TDRD3: variants seen among roughly 807,000 people sequenced by gnomAD.
TDRD3 encodes tudor domain containing 3.
Under a neutral mutation model 86.7 loss-of-function variants are expected in TDRD3, and 45 were observed. That is an observed-to-expected ratio of 0.52 (90% CI 0.41 to 0.67). TDRD3 has a LOEUF of 0.67. TDRD3 is among the 30% of genes least tolerant of loss of function. The pLI, the probability that TDRD3 is intolerant of heterozygous loss-of-function variation, is 0.00. For missense variants in TDRD3, 814 were observed against 889.0 expected, an observed-to-expected ratio of 0.92 and a Z score of 1.07; for synonymous variants, 298 against 301.7, an observed-to-expected ratio of 0.99 and a Z score of 0.13.
rs1957038427 is a variant in TDRD3 at position 60,510,712 on chromosome 13, A to G, written c.1098A>G (p.Leu366=). The change falls in exon 10 of 14, where the codon TTA becomes TTG. Residue 366 remains leucine, a synonymous_variant. Transcript: ENST00000377881. ...GNARPSAPST[L]FDFLESKMGT... is the part of the protein sequence containing the mutation. ...CAAGGCCATCAGCACCAAGCACATT[A>G]TTTGATTTCTTGGAATCTAAAATGG... 1.3e-6 allele frequency: 2 copies of G among 1,594,282 alleles called. No homozygotes were observed. Among genetic ancestry groups the G allele is most frequent in the Non-Finnish European group, 1.7e-6 (2 of 1,170,932 alleles).
At chr13:60,541,877 G>A (rs1253641917) in intron 12 of TDRD3, among the ~76,000 whole-genome samples, 1 of 151,620 alleles carries the variant, frequency 6.6e-6, no homozygotes, top group East Asian at 1.9e-4. Context: ...ACAGGCATGG[G>A]CCACCATGCC....
intron 10 of TDRD3, among the ~76,000 whole-genome samples, chr13:60,525,103 A>C (rs1258660693): frequency 6.7e-6 from 1 of 149,364 alleles, no homozygotes; most frequent in African/African-American, 2.4e-5. Flanking sequence ...AAAAAAAAAA[A>C]AAAAAACCCC....
rs150024075 is a variant in TDRD3, at chr13:60,473,016, A to G, written c.495+5637A>G. Among the ~76,000 whole-genome samples the G allele has an allele frequency of 3.1e-3, 468 of 152,148 alleles. 2 individuals carry two copies. The highest frequency in any genetic ancestry group is 0.011 in the African/African-American group (444 of 41,504). ...TGCTTTTTGTTTCCTGTTTTACTCC[A>G]TTTTCTGCTGCTATAACAGAATACC... On this transcript the variant is annotated intron_variant, in intron 5 of 13. Coordinates refer to ENST00000377881, the MANE Select transcript of TDRD3 (RefSeq NM_001146070.2).
chr13:60,508,485 C>G (rs1330509292), intron 8 of TDRD3, among the ~76,000 whole-genome samples: 1 of 152,160 alleles, frequency 6.6e-6, no homozygotes, highest in Non-Finnish European at 1.5e-5. Context: ...ACCATATGAT[C>G]TTTGACAAAC....
At chr13:60,532,803 A>G (rs1445509365) in intron 11 of TDRD3, among the ~76,000 whole-genome samples, 2 of 152,114 alleles carry the variant, frequency 1.3e-5, no homozygotes, top group African/African-American at 4.8e-5. Context: ...CTGAAACTTT[A>G]TTCCTTTTAA....
chr13:60,481,349 GTT>G (rs796837758), intron 5 of TDRD3, among the ~76,000 whole-genome samples: 127 of 137,384 alleles, frequency 9.2e-4, no homozygotes, highest in African/African-American at 3.2e-3. Context: ...CCCTCTTTGT[GTT>G]TTTTTTTTTT....
intron 10 of TDRD3, among the ~76,000 whole-genome samples, chr13:60,521,222 A>G (rs1046284089): frequency 2.0e-5 from 3 of 152,192 alleles, no homozygotes; most frequent in Non-Finnish European, 4.4e-5. Flanking sequence ...TTCTATTTCA[A>G]TCTTGCACCC....
At chr13:60,511,672 C>G (rs760815433) in intron 10 of TDRD3, among the ~76,000 whole-genome samples, 1 of 152,234 alleles carries the variant, frequency 6.6e-6, no homozygotes, top group African/African-American at 2.4e-5. Context: ...TTGGTTGGAG[C>G]GGTGATGTTA....
intron 3 of TDRD3, among the ~76,000 whole-genome samples, chr13:60,454,181 G>T (rs1381307315): frequency 6.6e-6 from 1 of 152,080 alleles, no homozygotes; most frequent in African/African-American, 2.4e-5. Context: ...TGTGATCAGA[G>T]AATTTGGACT....
chr13:60,565,041 C>CTT (rs869194148), intron 12 of TDRD3, among the ~76,000 whole-genome samples: 4,501 of 70,862 alleles, frequency 0.064, 964 homozygotes, highest in African/African-American at 0.11. Flanking sequence ...CTATCAGTAT[C>CTT]TTTTTTTTTT....
chr13:60,539,180 C>A lies in TDRD3; in HGVS notation c.2118+3947C>A, dbSNP rs760554131. On this transcript the variant is annotated intron_variant, in intron 12 of 13. Coordinates refer to ENST00000377881, the MANE Select transcript of TDRD3 (RefSeq NM_001146070.2). The stretch of plus-strand genomic sequence containing the variant: ...CTTAAGTGTTTTTCTGTAGAATACT[C>A]ATTTATTCAACAAATATTCATTATG... 1.4e-4 allele frequency among the ~76,000 whole-genome samples: 22 copies of A among 152,026 alleles called. 1 individual carries two copies. The highest frequency in any genetic ancestry group is 8.3e-4 in the South Asian group (4 of 4,820).
intron 4 of TDRD3, 72 bp from the exon 5 acceptor site, chr13:60,467,164 CTG>C (rs1394398824): frequency 6.4e-7 from 1 of 1,560,194 alleles, no homozygotes; most frequent in African/African-American, 1.4e-5. Context: ...AGGCCCCGGT[CTG>C]TGTTGTTTCC....
intron 1 of TDRD3, among the ~76,000 whole-genome samples, chr13:60,398,462 G>A (rs1469456767): frequency 6.6e-6 from 1 of 152,122 alleles, no homozygotes; most frequent in Non-Finnish European, 1.5e-5. Flanking sequence ...ACAGGGAAGC[G>A]CTTATTGTTT....
intron 1 of TDRD3, among the ~76,000 whole-genome samples, chr13:60,438,564 CTACTT>C (rs1955176291): frequency 6.6e-6 from 1 of 152,102 alleles, no homozygotes; most frequent in African/African-American, 2.4e-5. Context: ...ATTGGCTTAT[CTACTT>C]TAATCTTCTA....
At chr13:60,452,444 A>T (rs190434483) in intron 3 of TDRD3, among the ~76,000 whole-genome samples, 238 of 152,186 alleles carry the variant, frequency 1.6e-3, no homozygotes, top group African/African-American at 5.4e-3. Flanking sequence ...TAATTTTTAA[A>T]ACACCATTTA....
chr13:60,494,664 C>A, intron 8 of TDRD3, 89 bp downstream of exon 8: 1 of 1,285,352 alleles, frequency 7.8e-7, no homozygotes, highest in Non-Finnish European at 1.1e-6. Flanking sequence ...TGGCTTTGTG[C>A]AATGTATTAT....
chr13:60,530,176 C>T (rs1024920004), intron 11 of TDRD3, among the ~76,000 whole-genome samples: 1 of 152,134 alleles, frequency 6.6e-6, no homozygotes, highest in Non-Finnish European at 1.5e-5. Context: ...TCTTTTTGCA[C>T]TACCATGATA....
At chr13:60,527,817 T>C (rs1957480209) in intron 10 of TDRD3, among the ~76,000 whole-genome samples, 1 of 140,076 alleles carries the variant, frequency 7.1e-6, no homozygotes, top group Non-Finnish European at 1.6e-5. Flanking sequence ...TAGTAGGATA[T>C]CTATTTGTAA....
intron 12 of TDRD3, among the ~76,000 whole-genome samples, chr13:60,545,690 T>C (rs2137872806): frequency 6.6e-6 from 1 of 152,168 alleles, no homozygotes; most frequent in Admixed American, 6.5e-5. Context: ...TAAATATTAT[T>C]ATTAGGAAAT....
Sources: allele counts gnomAD v4.1 joint callset (sites outside exome capture counted in the v4.1 genomes callset), GRCh38; gene constraint gnomAD v4.1.1; transcripts MANE v1.5; gene names NCBI Gene and HGNC (gene_info 2026-07-23, HGNC 2026-07-21).